Variants in PCDHGA4 observed in about 807,000 individuals in gnomAD.
PCDHGA4 encodes the protein protocadherin gamma-A4.
A neutral mutation model predicts 54.6 loss-of-function variants in PCDHGA4; 38 were observed. The observed-to-expected ratio is 0.70, with a 90% CI of 0.54 to 0.91. The LOEUF (loss-of-function observed/expected upper bound fraction) is 0.91, where lower values mean the gene tolerates loss of function less well. PCDHGA4 is among the 40% of genes least tolerant of loss of function. The pLI is 0.00. For synonymous variants in PCDHGA4, 511 were observed against 512.9 expected, an observed-to-expected ratio of 1.00 and a Z score of 0.05; for missense variants, 1,298 against 1,220.9, an observed-to-expected ratio of 1.06 and a Z score of -0.94.
At chr5:141,402,091 G>A (rs1453803021) in intron 1 of PCDHGA4, among the ~76,000 whole-genome samples, 2 of 152,204 alleles carry the variant, frequency 1.3e-5, no homozygotes, top group African/African-American at 4.8e-5. Context: ...TAGCAGAAAA[G>A]TTTAAGCAAT....
chr5:141,457,937 G>A (rs916509260), intron 1 of PCDHGA4, among the ~76,000 whole-genome samples: 1 of 152,166 alleles, frequency 6.6e-6, no homozygotes, highest in African/African-American at 2.4e-5. Flanking sequence ...GGCTTTTATT[G>A]GCTCTGCATG....
In PCDHGA4 at chr5:141,409,417, G is replaced by A. The variant is rs774453166; in HGVS notation, c.2514+51796G>A. ...CTTCCAATAACTACTACAAACTGGT[G>A]ACAGATGGAGCCCTGGACCGAGAGC... On this transcript the variant is annotated intron_variant, in intron 1 of 3. Transcript: ENST00000571252. The A allele has an allele frequency of 5.6e-6, 9 of 1,613,880 alleles. No individual in the cohort carries two copies. The South Asian group carries it at 8.8e-5, about 16-fold the overall frequency.
At position 141,356,549 on chromosome 5, in the gene PCDHGA4, C is replaced by G. The variant is rs1174106080; in HGVS notation, c.1442C>G (p.Pro481Arg). 1 of 1,614,120 alleles carries G rather than the reference C, an allele frequency of 6.2e-7. No individual in the cohort carries two copies. The highest frequency in any genetic ancestry group is 8.5e-7 in the Non-Finnish European group (1 of 1,179,996). ...GTGATGGACATCAATGACAACCCACCCACTTTCCCTCATGCTTCCTACTCT... is the reference window on the plus strand; with the variant it reads ...GTGATGGACATCAATGACAACCCACGCACTTTCCCTCATGCTTCCTACTCT... ...LQVMDINDNP[P>R]TFPHASYSAY... Residue 481 changes from proline to arginine, a missense_variant, in exon 1 of 4, where the codon CCC (proline) becomes CGC (arginine). By Grantham distance (103) the Pro-to-Arg change is moderately radical. Transcript: ENST00000571252.
intron 1 of PCDHGA4, chr5:141,419,386 G>T: frequency 2.5e-6 from 4 of 1,613,650 alleles, no homozygotes; most frequent in Non-Finnish European, 3.4e-6. Context: ...CCGTGAGCGC[G>T]CAGAGCGGGG....
At chr5:141,421,164 A>C (rs1304650780) in intron 1 of PCDHGA4, 9 of 1,286,298 alleles carry the variant, frequency 7.0e-6, no homozygotes, top group Non-Finnish European at 9.4e-6. Context: ...GACTTCATAG[A>C]TACATAAGCC....
intron 1 of PCDHGA4, chr5:141,421,806 A>G: frequency 6.2e-7 from 1 of 1,613,842 alleles, no homozygotes; most frequent in Non-Finnish European, 8.5e-7. Context: ...CCAAGAATCC[A>G]GAGCTAGTAC....
chr5:141,405,231 C>A, intron 1 of PCDHGA4: 1 of 1,614,130 alleles, frequency 6.2e-7, no homozygotes, highest in Non-Finnish European at 8.5e-7. Flanking sequence ...TTCTCCCTCA[C>A]CGCTGACTCA....
At chr5:141,421,638 C>G (rs775131295) in intron 1 of PCDHGA4, 2 of 1,613,770 alleles carry the variant, frequency 1.2e-6, no homozygotes, top group South Asian at 1.1e-5. Context: ...TCCAGGAGGA[C>G]GAAGTGGAGA....
At chr5:141,389,039 A>C in intron 1 of PCDHGA4, 1 of 1,613,988 alleles carries the variant, frequency 6.2e-7, no homozygotes, top group Non-Finnish European at 8.5e-7. Context: ...GTAAATTGGA[A>C]GGTGATGTTC....
Position 141,470,005 on chromosome 5 carries a change from T to A in PCDHGA4, c.2515-24802T>A, listed in dbSNP as rs189976589. Reference sequence around the variant, plus strand: ...AATTAGCTGGTCGTCGTGGCACGCCTGTAATCCCAGCTACTCGGGATGCTG... The same window carrying A: ...AATTAGCTGGTCGTCGTGGCACGCCAGTAATCCCAGCTACTCGGGATGCTG... On this transcript the variant is annotated intron_variant, in intron 1 of 3. Coordinates refer to ENST00000571252, the MANE Select transcript of PCDHGA4 (RefSeq NM_018917.4). 2.4e-4 allele frequency among the ~76,000 whole-genome samples: 37 copies of A among 152,254 alleles called. 2 individuals carry two copies. The highest frequency in any genetic ancestry group is 7.2e-4 in the Admixed American group (11 of 15,274).
At chr5:141,430,603 C>A in intron 1 of PCDHGA4, 1 of 632,906 alleles carries the variant, frequency 1.6e-6, no homozygotes, top group Non-Finnish European at 2.5e-6. Context: ...GCGCCTGAAG[C>A]ACAAAGCAGA....
chr5:141,414,995 G>C (rs1431326081), intron 1 of PCDHGA4: 14 of 1,613,640 alleles, frequency 8.7e-6, no homozygotes, highest in Non-Finnish European at 1.2e-5. Context: ...CAGAACGCCT[G>C]GCTGTCCTAC....
At chr5:141,423,227 A>C (rs1305722929) in intron 1 of PCDHGA4, 5 of 1,613,634 alleles carry the variant, frequency 3.1e-6, no homozygotes, top group Non-Finnish European at 2.5e-6. Context: ...GCTGTGGCCG[A>C]CAGCATCCCC....
intron 1 of PCDHGA4, chr5:141,421,930 G>T (rs780569992): frequency 3.1e-6 from 5 of 1,613,480 alleles, no homozygotes; most frequent in Non-Finnish European, 4.2e-6. Context: ...GGTGGTCCTC[G>T]ATGTAAATGA....
At chr5:141,418,196 C>G in intron 1 of PCDHGA4, 1 of 1,614,032 alleles carries the variant, frequency 6.2e-7, no homozygotes, top group Non-Finnish European at 8.5e-7. Context: ...GGTGGAAAAT[C>G]CTTTAAATAT....
intron 1 of PCDHGA4, chr5:141,413,327 A>G (rs200027912): frequency 6.2e-7 from 1 of 1,613,984 alleles, no homozygotes; most frequent in Non-Finnish European, 8.5e-7. Context: ...TTCGTGGGCA[A>G]CATCTCCAAG....
At chr5:141,504,306 G>A (rs2099837315) in intron 2 of PCDHGA4, among the ~76,000 whole-genome samples, 1 of 152,076 alleles carries the variant, frequency 6.6e-6, no homozygotes, top group South Asian at 2.1e-4. Context: ...AACACTCGGA[G>A]TTTCTAAAAG....
chr5:141,385,638 T>C lies in PCDHGA4; in HGVS notation c.2514+28017T>C, dbSNP rs773812795. 80 of 831,646 alleles carry C rather than the reference T, an allele frequency of 9.6e-5. 1 individual carries two copies. Among genetic ancestry groups the C allele is most frequent in the Non-Finnish European group, 1.2e-4 (78 of 652,914 alleles). 51.5% of individuals were successfully genotyped at this position (831,646 alleles called of 1,614,324 possible). A position where few individuals can be genotyped will look rare whatever the true frequency, so the allele number is the denominator to read the frequency against. ...TATACATTGGAATGAATCGAGTCTT[T>C]CATATTGCACAAGGTTAGCAGGAAT... is the stretch of plus-strand genomic sequence containing the variant. On this transcript the variant is annotated intron_variant, in intron 1 of 3. Transcript: ENST00000571252.
At chr5:141,388,993 G>A (rs778336882) in intron 1 of PCDHGA4, 1 of 1,614,026 alleles carries the variant, frequency 6.2e-7, no homozygotes, top group South Asian at 1.1e-5. Flanking sequence ...CTCAAAGTCC[G>A]TGACAAGGAT....
Sources: allele counts gnomAD v4.1 joint callset (sites outside exome capture counted in the v4.1 genomes callset), GRCh38; gene constraint gnomAD v4.1.1; transcripts MANE v1.5; gene names NCBI Gene and HGNC (gene_info 2026-07-23, HGNC 2026-07-21).